SLC16A10: variants seen among roughly 807,000 people sequenced by gnomAD.
SLC16A10 encodes the protein monocarboxylate transporter 10.
A neutral mutation model predicts 40.0 loss-of-function variants in SLC16A10; 27 were observed. That is an observed-to-expected ratio of 0.67 (90% confidence interval 0.50 to 0.93). SLC16A10 has a LOEUF of 0.93. SLC16A10 is among the 40% of genes least tolerant of loss of function. The pLI is 0.00. For missense variants in SLC16A10, 529 were observed against 658.2 expected (o/e 0.80, Z 2.15); for synonymous variants, 213 against 249.8 (o/e 0.85, Z 1.39).
chr6:111,146,831 C>T (rs977139903), intron 1 of SLC16A10, among the ~76,000 whole-genome samples: 1 of 151,840 alleles, frequency 6.6e-6, no homozygotes, highest in Non-Finnish European at 1.5e-5. Flanking sequence ...AATGGATAAG[C>T]AAAACGTGGT....
chr6:111,146,308 T>A (rs1224379890), intron 1 of SLC16A10, among the ~76,000 whole-genome samples: 3 of 152,184 alleles, frequency 2.0e-5, no homozygotes, highest in Non-Finnish European at 4.4e-5. Context: ...TTGGCAAGTA[T>A]GTGGAAAAAT....
At chr6:111,213,645 A>T (rs905414714) in intron 4 of SLC16A10, among the ~76,000 whole-genome samples, 1 of 152,238 alleles carries the variant, frequency 6.6e-6, no homozygotes, top group Non-Finnish European at 1.5e-5. Flanking sequence ...ACTCAGTCTC[A>T]TCTAGACTGT....
In SLC16A10 at chr6:111,178,703, G is replaced by A. The variant is rs1203222433; in HGVS notation, c.942+1038G>A. ...ACCGTAAATGATAAAAATGGCATTG[G>A]CACACATATTTGTATGTTTGTGAAC... is the stretch of plus-strand genomic sequence containing the variant. On this transcript the variant is annotated intron_variant, in intron 3 of 5. Coordinates refer to ENST00000368851, the MANE Select transcript of SLC16A10 (RefSeq NM_018593.5). 1.9e-5 allele frequency: 4 copies of A among 210,756 alleles called. No homozygotes were observed. In the South Asian group the frequency reaches 2.7e-4, roughly 14 times the overall value. 13.1% of individuals were successfully genotyped at this position (210,756 alleles called of 1,614,324 possible). A position where few individuals can be genotyped will look rare whatever the true frequency, so the allele number is the denominator to read the frequency against.
intron 3 of SLC16A10, among the ~76,000 whole-genome samples, chr6:111,195,871 T>G (rs1773071767): frequency 6.6e-6 from 1 of 152,146 alleles, no homozygotes; most frequent in South Asian, 2.1e-4. Context: ...GTGTGGTCCT[T>G]TTCCTCCTGA....
intron 1 of SLC16A10, among the ~76,000 whole-genome samples, chr6:111,153,914 GT>G (rs1440964621): frequency 1.3e-5 from 2 of 152,154 alleles, no homozygotes; most frequent in Non-Finnish European, 2.9e-5. Context: ...CACCCATATG[GT>G]TTCTGCAGTT....
chr6:111,138,426 A>T (rs1771920573), intron 1 of SLC16A10, among the ~76,000 whole-genome samples: 1 of 152,226 alleles, frequency 6.6e-6, no homozygotes. Flanking sequence ...AAAGCAATAA[A>T]TTGTTATATT....
intron 1 of SLC16A10, among the ~76,000 whole-genome samples, chr6:111,109,079 T>C (rs55831749): frequency 0.11 from 16,909 of 152,250 alleles, 1,241 homozygotes; most frequent in Middle Eastern, 0.16. Context: ...TATTGAGGGA[T>C]GACTTAGATA....
At chr6:111,113,769 C>A (rs542077571) in intron 1 of SLC16A10, among the ~76,000 whole-genome samples, 3 of 152,140 alleles carry the variant, frequency 2.0e-5, no homozygotes, top group Non-Finnish European at 1.5e-5. Context: ...AGCAGAGTCA[C>A]AGGAAACAGT....
At chr6:111,105,705 C>T (rs1256743806) in intron 1 of SLC16A10, among the ~76,000 whole-genome samples, 1 of 152,184 alleles carries the variant, frequency 6.6e-6, no homozygotes, top group African/African-American at 2.4e-5. Flanking sequence ...TCTGTCCACA[C>T]TGTTGTGAGT....
At chr6:111,130,548 G>T (rs1460352121) in intron 1 of SLC16A10, among the ~76,000 whole-genome samples, 4 of 152,110 alleles carry the variant, frequency 2.6e-5, no homozygotes, top group Non-Finnish European at 5.9e-5. Context: ...TGTGTGTGTG[G>T]AGCTTCCTTG....
intron 4 of SLC16A10, among the ~76,000 whole-genome samples, chr6:111,208,161 T>A (rs1360043635): frequency 6.6e-6 from 1 of 152,060 alleles, no homozygotes; most frequent in Admixed American, 6.6e-5. Flanking sequence ...TTTTTTTCTG[T>A]AGTAACAGGG....
At chr6:111,158,284 T>C (rs2114523826) in intron 1 of SLC16A10, among the ~76,000 whole-genome samples, 1 of 152,326 alleles carries the variant, frequency 6.6e-6, no homozygotes, top group South Asian at 2.1e-4. Flanking sequence ...ACATTTTCCC[T>C]ATTTTTAGCT....
chr6:111,215,863 G>T (rs1173495666), intron 4 of SLC16A10, among the ~76,000 whole-genome samples: 1 of 152,010 alleles, frequency 6.6e-6, no homozygotes, highest in Non-Finnish European at 1.5e-5. Context: ...AATTAGCCGG[G>T]CATAGTGGCA....
chr6:111,187,586 A>T (rs1772920330), intron 3 of SLC16A10, among the ~76,000 whole-genome samples: 1 of 152,218 alleles, frequency 6.6e-6, no homozygotes, highest in Admixed American at 6.5e-5. Context: ...AATACCCAAG[A>T]ACATCCATGG....
At chr6:111,187,020 G>A (rs1772910290) in intron 3 of SLC16A10, among the ~76,000 whole-genome samples, 1 of 152,090 alleles carries the variant, frequency 6.6e-6, no homozygotes, top group South Asian at 2.1e-4. Context: ...AAGTAAAATG[G>A]TAAGAACAGT....
At chr6:111,094,885 C>T (rs189978401) in intron 1 of SLC16A10, among the ~76,000 whole-genome samples, 3 of 152,346 alleles carry the variant, frequency 2.0e-5, no homozygotes, top group East Asian at 3.9e-4. Context: ...AAGCGACCCT[C>T]CTGCCTCAAC....
chr6:111,200,848 A>G (rs1342708538), intron 3 of SLC16A10, among the ~76,000 whole-genome samples: 1 of 152,130 alleles, frequency 6.6e-6, no homozygotes, highest in Non-Finnish European at 1.5e-5. Flanking sequence ...CAAATGTTGG[A>G]TGGATATTTT....
chr6:111,170,474 G>A (rs531206042), intron 1 of SLC16A10, among the ~76,000 whole-genome samples: 2 of 152,256 alleles, frequency 1.3e-5, no homozygotes, highest in East Asian at 1.9e-4. Flanking sequence ...TTGAGAAAGC[G>A]TCTCGCTCAG....
At chr6:111,115,917 G>A (rs1771478566) in intron 1 of SLC16A10, among the ~76,000 whole-genome samples, 1 of 152,050 alleles carries the variant, frequency 6.6e-6, no homozygotes, top group East Asian at 1.9e-4. Context: ...AAGGACTGAA[G>A]GGGTGTTTGT....
Sources: gnomAD v4.1 joint callset for allele counts (sites outside exome capture counted in the v4.1 genomes callset) on GRCh38, gnomAD v4.1.1 for gene constraint, MANE v1.5 for transcripts, NCBI Gene and HGNC (gene_info 2026-07-23, HGNC 2026-07-21) for gene names.